The following THOC1 variants were observed in gnomAD, a reference collection of about 807,000 sequenced individuals.
THOC1 encodes THO complex subunit 1.
THOC1 carries 29 observed loss-of-function variants against 97.3 expected under a neutral mutation model. The observed-to-expected ratio is 0.30, with a 90% CI of 0.22 to 0.41. THOC1 has a LOEUF of 0.41. Ranked by LOEUF, THOC1 falls within the 10% of genes least tolerant of loss-of-function variation. The pLI, the probability that THOC1 is intolerant of heterozygous loss-of-function variation, is 1.00. For synonymous variants in THOC1, 255 were observed against 257.0 expected (o/e 0.99, Z 0.07); for missense variants, 529 against 761.9 (o/e 0.69, Z 3.60).
intron 9 of THOC1, among the ~76,000 whole-genome samples, chr18:251,650 T>C (rs1353643317): frequency 6.6e-6 from 1 of 152,176 alleles, no homozygotes; most frequent in East Asian, 1.9e-4. Flanking sequence ...TTTCTCTAGG[T>C]AGTCAGATTC....
chr18:253,891 AT>A (rs1253470545), intron 8 of THOC1, among the ~76,000 whole-genome samples: 1 of 147,684 alleles, frequency 6.8e-6, no homozygotes, highest in Non-Finnish European at 1.5e-5. Context: ...TTGTAGGCCC[AT>A]TTACATGAAA....
intron 11 of THOC1, among the ~76,000 whole-genome samples, chr18:241,577 G>A (rs1461578403): frequency 6.6e-6 from 1 of 152,148 alleles, no homozygotes; most frequent in Non-Finnish European, 1.5e-5. Context: ...GATCATTTTG[G>A]TCATTGAGTC....
rs375521385 is a variant in THOC1 at position 264,224 on chromosome 18, A to G, written c.190-132T>C. 3.4e-5 allele frequency: 21 copies of G among 625,050 alleles called. No individual in the cohort carries two copies. The East Asian group carries it at 6.2e-4, about 18-fold the overall frequency. 38.7% of individuals were successfully genotyped at this position (625,050 alleles called of 1,614,324 possible). A position where few individuals can be genotyped will look rare whatever the true frequency, so the allele number is the denominator to read the frequency against. ...GAATACAATATTTCTTATAGAAAAC[A>G]ATATTTTCTAATATGAAGTTACCAA... On this transcript the variant is annotated intron_variant, in intron 3 of 20. Transcript: ENST00000261600.
chr18:252,433 CTTATAATT>C (rs1442786930), intron 9 of THOC1, 98 bp downstream of exon 9: 28 of 848,034 alleles, frequency 3.3e-5, no homozygotes, highest in Non-Finnish European at 5.1e-5. Flanking sequence ...AAAGAAATTT[CTTATAATT>C]TCTTTCCTCC....
intron 4 of THOC1, 64 bp downstream of exon 4, chr18:263,962 G>GT: frequency 7.8e-7 from 1 of 1,277,936 alleles, no homozygotes; most frequent in Middle Eastern, 1.9e-4. Flanking sequence ...GGGAGAAGAC[G>GT]TTTTAAATAA....
In THOC1 at chr18:232,280, A is replaced by G. The variant is rs150310004; in HGVS notation, c.919-5379T>C. Reference sequence around the variant, plus strand: ...TCAGCTCATTTTAAAATTTTTTTGTAGAGATGGGGGTATCACTTTGTTGCT... The same window carrying G: ...TCAGCTCATTTTAAAATTTTTTTGTGGAGATGGGGGTATCACTTTGTTGCT... On this transcript the variant is annotated intron_variant, in intron 11 of 20. Coordinates refer to ENST00000261600, the MANE Select transcript of THOC1 (RefSeq NM_005131.3). Among the ~76,000 whole-genome samples, 543 of 152,126 alleles carry G rather than the reference A, an allele frequency of 3.6e-3. 1 individual carries two copies. The highest frequency in any genetic ancestry group is 0.012 in the African/African-American group (506 of 41,520).
At chr18:245,659 T>A (rs1157975713) in intron 11 of THOC1, 1 of 152,496 alleles carries the variant, frequency 6.6e-6, no homozygotes, top group African/African-American at 2.4e-5. Context: ...TAGTCTCTGT[T>A]ACTTGTAGCC....
chr18:258,509 T>A (rs1567856576), intron 7 of THOC1, among the ~76,000 whole-genome samples: 1 of 152,164 alleles, frequency 6.6e-6, no homozygotes, highest in Non-Finnish European at 1.5e-5. Flanking sequence ...AAACCACTGC[T>A]AACATATGCT....
At chr18:225,512 C>G (rs1911249931) in intron 12 of THOC1, 109 bp from the exon 13 acceptor site, 1 of 809,322 alleles carries the variant, frequency 1.2e-6, no homozygotes, top group South Asian at 1.7e-5. Flanking sequence ...TGGATAGTGT[C>G]AAAAATTACC....
chr18:251,284 G>A (rs565891944), intron 9 of THOC1, among the ~76,000 whole-genome samples: 1 of 152,310 alleles, frequency 6.6e-6, no homozygotes, highest in Non-Finnish European at 1.5e-5. Flanking sequence ...TTCTTCTGGA[G>A]ATGTGTTTGA....
In THOC1 at chr18:224,082, A is replaced by G. The variant is rs1378495661; in HGVS notation, c.1304+2T>C. 2 of 1,590,384 alleles carry G rather than the reference A, an allele frequency of 1.3e-6. No homozygotes were observed. The highest frequency in any genetic ancestry group is 1.3e-5 in the African/African-American group (1 of 74,582). ...ATCCCACATGAAGACAAATTCACCT[A>G]CTTTCCCATCAGAATTTTTTTGGTG... is the stretch of plus-strand genomic sequence containing the variant. On this transcript the variant is annotated splice_donor_variant, in intron 16 of 20. Coordinates refer to ENST00000261600, the MANE Select transcript of THOC1 (RefSeq NM_005131.3). LOFTEE classifies it high-confidence loss of function.
intron 15 of THOC1, 145 bp downstream of exon 15, chr18:224,779 C>A: frequency 1.5e-6 from 1 of 680,768 alleles, no homozygotes; most frequent in South Asian, 2.0e-5. Context: ...TGGTTGTACT[C>A]TTACAAAGTT....
At chr18:237,140 A>C (rs759881443) in intron 11 of THOC1, among the ~76,000 whole-genome samples, 2 of 150,704 alleles carry the variant, frequency 1.3e-5, no homozygotes, top group Non-Finnish European at 2.9e-5. Context: ...AAAAGTACTA[A>C]ATCTCTCATG....
rs371507871 is a variant in THOC1 at position 215,466 on chromosome 18, A to G, written c.1641T>C (p.Asp547=). 3.2e-5 allele frequency: 52 copies of G among 1,613,582 alleles called. No homozygotes were observed. The highest frequency in any genetic ancestry group is 3.6e-5 in the Non-Finnish European group (43 of 1,179,694). ...SEEIKTGEDE[D]EEDNDALLKE... is the part of the protein sequence containing the mutation. ...TCAGTAGAGCATCATTATCTTCCTC[A>G]TCTTCATCCTCACCTGTTTTTATTT... The change falls in exon 20 of 21, where the codon GAT becomes GAC. Residue 547 remains aspartate (D), a synonymous_variant. Transcript: ENST00000261600.
At chr18:258,189 A>C (rs757057559) in intron 7 of THOC1, among the ~76,000 whole-genome samples, 15 of 152,190 alleles carry the variant, frequency 9.9e-5, no homozygotes, top group Admixed American at 2.0e-4. Context: ...AACAGAAGAC[A>C]AAGTAAAGAT....
At chr18:230,296 A>C (rs1217416961) in intron 11 of THOC1, among the ~76,000 whole-genome samples, 2 of 152,224 alleles carry the variant, frequency 1.3e-5, no homozygotes, top group Non-Finnish European at 2.9e-5. Flanking sequence ...AAGGGGAGCC[A>C]AATAAGAGAC....
chr18:224,998 G>T lies in THOC1; in HGVS notation c.1138-4C>A. The T allele has an allele frequency of 6.4e-7, 1 of 1,569,810 alleles. No individual in the cohort carries two copies. The highest frequency in any genetic ancestry group is 2.3e-5 in the East Asian group (1 of 43,436). On this transcript the variant is annotated splice_region_variant and splice_polypyrimidine_tract_variant and intron_variant, in intron 14 of 20. Transcript: ENST00000261600. ...TTTCTTCAGTGTTTAATATATGCTG[G>T]GAAAAACAAAGCGATTACATTTTGG...
intron 17 of THOC1, among the ~76,000 whole-genome samples, chr18:222,176 C>T (rs957363373): frequency 6.6e-6 from 1 of 152,180 alleles, no homozygotes; most frequent in African/African-American, 2.4e-5. Context: ...CTGACCACCC[C>T]TTCTTGTCTT....
intron 11 of THOC1, among the ~76,000 whole-genome samples, chr18:238,633 A>G (rs555747864): frequency 6.6e-6 from 1 of 152,356 alleles, no homozygotes; most frequent in South Asian, 2.1e-4. Flanking sequence ...GAAAAGGCAA[A>G]GTAAAAACAC....
Sources: allele counts gnomAD v4.1 joint callset (sites outside exome capture counted in the v4.1 genomes callset), GRCh38; gene constraint gnomAD v4.1.1; transcripts MANE v1.5; gene names NCBI Gene and HGNC (gene_info 2026-07-23, HGNC 2026-07-21).